Variants in SLC2A13 observed in about 807,000 individuals in gnomAD.
The protein encoded by SLC2A13 is proton myo-inositol cotransporter.
Under a neutral mutation model 64.4 loss-of-function variants are expected in SLC2A13, and 32 were observed. That is an observed-to-expected ratio of 0.50 (90% CI 0.37 to 0.67). The LOEUF (loss-of-function observed/expected upper bound fraction) is 0.67. SLC2A13 is among the 30% of genes least tolerant of loss of function. SLC2A13 has a pLI of 0.00. For missense variants in SLC2A13, 743 were observed against 829.2 expected (o/e 0.90, Z 1.28); for synonymous variants, 338 against 327.1 (o/e 1.03, Z -0.36).
intron 7 of SLC2A13, 195 bp downstream of exon 7, chr12:39,829,907 TG>T: frequency 1.5e-6 from 1 of 679,056 alleles, no homozygotes; most frequent in East Asian, 3.0e-5. Flanking sequence ...AGTCTAGGCC[TG>T]AGTGCTTTCT....
At chr12:39,848,020 G>C (rs994208222) in intron 6 of SLC2A13, among the ~76,000 whole-genome samples, 4 of 152,062 alleles carry the variant, frequency 2.6e-5, no homozygotes, top group African/African-American at 9.7e-5. Flanking sequence ...TTAGCATTCA[G>C]TAATGTGTGC....
At chr12:40,044,419 A>G (rs1948141703) in intron 2 of SLC2A13, among the ~76,000 whole-genome samples, 1 of 152,186 alleles carries the variant, frequency 6.6e-6, no homozygotes, top group Admixed American at 6.5e-5. Flanking sequence ...CTCTGTGAAT[A>G]CACTAAAAGC....
At chr12:39,779,911 A>T (rs1315822230) in intron 7 of SLC2A13, among the ~76,000 whole-genome samples, 1 of 152,212 alleles carries the variant, frequency 6.6e-6, no homozygotes, top group African/African-American at 2.4e-5. Context: ...AATGAATGCA[A>T]GCTGATTTAT....
intron 7 of SLC2A13, among the ~76,000 whole-genome samples, chr12:39,816,632 A>T (rs1326605516): frequency 6.6e-6 from 1 of 152,028 alleles, no homozygotes; most frequent in Non-Finnish European, 1.5e-5. Context: ...GAATTATATT[A>T]GTAAGCTGGA....
At chr12:39,795,941 T>C (rs1941558270) in intron 7 of SLC2A13, among the ~76,000 whole-genome samples, 1 of 152,130 alleles carries the variant, frequency 6.6e-6, no homozygotes, top group Non-Finnish European at 1.5e-5. Context: ...TGATTTTCAG[T>C]ATATTCACAG....
chr12:40,074,019 C>T (rs1242388849), intron 1 of SLC2A13, among the ~76,000 whole-genome samples: 1 of 151,676 alleles, frequency 6.6e-6, no homozygotes, highest in Non-Finnish European at 1.5e-5. Flanking sequence ...TGTAGTTGTC[C>T]CCATGGTTCT....
intron 1 of SLC2A13, among the ~76,000 whole-genome samples, chr12:40,098,265 C>T (rs1439473021): frequency 6.6e-6 from 1 of 152,114 alleles, no homozygotes; most frequent in Non-Finnish European, 1.5e-5. Context: ...CATGATTCCA[C>T]TTACGTGAAG....
At chr12:39,834,402 C>T (rs574298679) in intron 6 of SLC2A13, among the ~76,000 whole-genome samples, 1 of 152,120 alleles carries the variant, frequency 6.6e-6, no homozygotes, top group Admixed American at 6.6e-5. Context: ...AGTCATGGAC[C>T]AAACTTTTAA....
intron 6 of SLC2A13, among the ~76,000 whole-genome samples, chr12:39,856,237 GCATC>G (rs1181065538): frequency 2.0e-5 from 3 of 151,816 alleles, no homozygotes; most frequent in East Asian, 3.9e-4. Context: ...ATCTATCCAT[GCATC>G]CATCCATCCA....
intron 3 of SLC2A13, among the ~76,000 whole-genome samples, chr12:39,964,375 G>A (rs1000494605): frequency 6.6e-6 from 1 of 152,214 alleles, no homozygotes; most frequent in Non-Finnish European, 1.5e-5. Flanking sequence ...AATGTGGTAG[G>A]AAGTAAAGCA....
chr12:40,097,305 C>T (rs943473802), intron 1 of SLC2A13, among the ~76,000 whole-genome samples: 1 of 152,026 alleles, frequency 6.6e-6, no homozygotes, highest in Non-Finnish European at 1.5e-5. Context: ...TTCCAAAAAG[C>T]TTACTCTCAA....
chr12:39,782,280 G>A (rs1003757309), intron 7 of SLC2A13, among the ~76,000 whole-genome samples: 2 of 152,130 alleles, frequency 1.3e-5, no homozygotes, highest in African/African-American at 4.8e-5. Flanking sequence ...AATTTGAATT[G>A]TATCTCTCAG....
rs1048020473 is a variant in SLC2A13 at position 40,105,891 on chromosome 12, G to A, written c.-83C>T. 1.6e-6 allele frequency: 2 copies of A among 1,264,158 alleles called. No individual in the cohort carries two copies. The highest frequency in any genetic ancestry group is 2.6e-5 in the South Asian group (1 of 38,062). The allele number at this position is 1,264,158 out of a possible 1,614,324, so 78.3% of individuals were successfully genotyped here. On this transcript the variant is annotated 5_prime_UTR_variant, in exon 1 of 10. Transcript: ENST00000280871. This position sits in a 1 kb window ranked among gnomAD's most constrained non-coding sequence, Gnocchi z 4.2. ...CGAGCTAGACAGCCCGAGCCGGCGG[G>A]AGCAACCGCCGCTGCCGCCGCTTTC...
intron 2 of SLC2A13, among the ~76,000 whole-genome samples, chr12:40,031,462 C>G (rs1947904320): frequency 6.6e-6 from 1 of 152,168 alleles, no homozygotes; most frequent in African/African-American, 2.4e-5. Flanking sequence ...ATCTTGTGAT[C>G]CGCCCACCTT....
chr12:40,028,136 C>T (rs1268062133), intron 3 of SLC2A13, among the ~76,000 whole-genome samples, 165 bp downstream of exon 3: 1 of 151,720 alleles, frequency 6.6e-6, no homozygotes, highest in Non-Finnish European at 1.5e-5. Context: ...GTCAATAATA[C>T]ATATATAATT....
At chr12:40,017,410 G>A (rs1022630609) in intron 3 of SLC2A13, among the ~76,000 whole-genome samples, 3 of 152,162 alleles carry the variant, frequency 2.0e-5, no homozygotes, top group Non-Finnish European at 2.9e-5. Context: ...TTTACCTGCT[G>A]TATAAAATCC....
intron 4 of SLC2A13, among the ~76,000 whole-genome samples, chr12:39,945,565 G>T (rs1240376154): frequency 6.6e-6 from 1 of 150,724 alleles, no homozygotes; most frequent in Non-Finnish European, 1.5e-5. Flanking sequence ...TTTTTTCTTT[G>T]TCTTTGTTGG....
chr12:39,882,698 C>T (rs1481868012), intron 4 of SLC2A13, among the ~76,000 whole-genome samples: 1 of 152,144 alleles, frequency 6.6e-6, no homozygotes, highest in African/African-American at 2.4e-5. Context: ...CAAATCTACC[C>T]ACATACCCGA....
chr12:39,919,829 T>A (rs948644477), intron 4 of SLC2A13, among the ~76,000 whole-genome samples: 3 of 152,164 alleles, frequency 2.0e-5, no homozygotes, highest in African/African-American at 7.2e-5. Flanking sequence ...CAAGTCCAGA[T>A]ATTTTGTGAC....
Sources: allele counts gnomAD v4.1 joint callset (sites outside exome capture counted in the v4.1 genomes callset), GRCh38; gene constraint gnomAD v4.1.1; non-coding constraint Gnocchi (gnomAD v3.1); transcripts MANE v1.5; gene names NCBI Gene and HGNC (gene_info 2026-07-23, HGNC 2026-07-21).